Variants in FKTN observed in about 807,000 individuals in gnomAD.
FKTN encodes the protein ribitol-5-phosphate transferase FKTN.
FKTN carries 47 observed loss-of-function variants against 58.6 expected under a neutral mutation model. The observed-to-expected ratio is 0.80, with a 90% CI of 0.63 to 1.02. The LOEUF (loss-of-function observed/expected upper bound fraction) is 1.02, where lower values mean the gene tolerates loss of function less well. FKTN is among the 50% of genes least tolerant of loss of function. The probability of loss-of-function intolerance (pLI) is 0.00; values close to 1 mark genes in which losing one functional copy is unlikely to be tolerated. For missense variants in FKTN, 516 were observed against 537.3 expected, an observed-to-expected ratio of 0.96 and a Z score of 0.39; for synonymous variants, 178 against 191.9, an observed-to-expected ratio of 0.93 and a Z score of 0.60.
intron 7 of FKTN, among the ~76,000 whole-genome samples, chr9:105,613,705 A>G (rs1252334963): frequency 6.6e-6 from 1 of 152,234 alleles, no homozygotes; most frequent in East Asian, 1.9e-4. Context: ...ATGATTAGGA[A>G]TAAATATGAT....
intron 3 of FKTN, among the ~76,000 whole-genome samples, chr9:105,577,670 A>G (rs1421253928): frequency 2.0e-5 from 3 of 151,086 alleles, no homozygotes; most frequent in Non-Finnish European, 4.4e-5. Flanking sequence ...TTGGTTCCCT[A>G]TGAACTTTAA....
At chr9:105,628,801 AG>A (rs1269122735) in intron 10 of FKTN, among the ~76,000 whole-genome samples, 2 of 152,240 alleles carry the variant, frequency 1.3e-5, no homozygotes, top group African/African-American at 4.8e-5. Flanking sequence ...GCTAAGTGAA[AG>A]AAGTCAGATA....
intron 8 of FKTN, 84 bp from the exon 9 acceptor site, chr9:105,617,875 A>T: frequency 1.1e-6 from 1 of 920,984 alleles, no homozygotes; most frequent in Non-Finnish European, 1.7e-6. Flanking sequence ...AAGAAAAAAA[A>T]TCCTTGTTAC....
chr9:105,635,240 G>C lies in FKTN; in HGVS notation c.1362G>C (p.Trp454Cys). The C allele has an allele frequency of 1.2e-6, 2 of 1,614,114 alleles. No individual in the cohort carries two copies. Among genetic ancestry groups the C allele is most frequent in the Non-Finnish European group, 1.7e-6 (2 of 1,179,964 alleles). The change falls in exon 11 of 11, where the codon TGG becomes TGC. Residue 454 changes from tryptophan to cysteine, a missense_variant. Coordinates refer to ENST00000357998, the MANE Select transcript of FKTN (RefSeq NM_001079802.2). ...QPNGIWPISE[W>C]DEVIQLY ...ATGGAATCTGGCCTATTTCTGAGTG[G>C]GATGAGGTTATCCAGTTATATTGAG... is the stretch of plus-strand genomic sequence containing the variant.
chr9:105,620,013 A>C lies in FKTN; in HGVS notation c.1124A>C (p.Asp375Ala). The change falls in exon 10 of 11, where the codon GAT becomes GCT. Residue 375 changes from aspartate to alanine, a missense_variant. Asp to Ala is a moderately radical substitution (Grantham distance 126). Transcript: ENST00000357998. ...LDVFFFYEET[D>A]HMWNGGTQAK... ...GTTTTTTTCTTCTATGAAGAAACTG[A>C]TCACATGTGGAATGGAGGCACTCAG... 6.2e-7 allele frequency: 1 copy of C among 1,612,972 alleles called. No homozygotes were observed. Among genetic ancestry groups the C allele is most frequent in the Non-Finnish European group, 8.5e-7 (1 of 1,179,196 alleles).
chr9:105,568,523 C>G lies in FKTN; in HGVS notation c.-180-5132C>G, dbSNP rs533866539. Among the ~76,000 whole-genome samples the G allele has an allele frequency of 9.4e-3, 1,426 of 152,208 alleles. 24 individuals are homozygous for G. The highest frequency in any genetic ancestry group is 0.033 in the African/African-American group (1,378 of 41,508). On this transcript the variant is annotated intron_variant, in intron 1 of 10. Coordinates refer to ENST00000357998, the MANE Select transcript of FKTN (RefSeq NM_001079802.2). ...CAAAAGAAGACATTTATGCAGCCAA[C>G]AGACACATGAAAAAATGCTCATCAT...
rs186084405 is a variant in FKTN at position 105,603,180 on chromosome 9, C to T, written c.370-1035C>T. 5.2e-4 allele frequency among the ~76,000 whole-genome samples: 79 copies of T among 152,202 alleles called. No individual in the cohort carries two copies. The South Asian group carries it at 0.013, about 26-fold the overall frequency. On this transcript the variant is annotated intron_variant, in intron 5 of 10. Coordinates refer to ENST00000357998, the MANE Select transcript of FKTN (RefSeq NM_001079802.2). Reference sequence around the variant, plus strand: ...TCTTTCCTCCTATAACCCAAGGTCACGTTCTTCTCAAGTTCTGGCCGGCCT... The same window carrying T: ...TCTTTCCTCCTATAACCCAAGGTCATGTTCTTCTCAAGTTCTGGCCGGCCT...
At chr9:105,592,547 A>C (rs1845091445) in intron 3 of FKTN, among the ~76,000 whole-genome samples, 1 of 152,182 alleles carries the variant, frequency 6.6e-6, no homozygotes, top group Non-Finnish European at 1.5e-5. Flanking sequence ...TGAGGCAGGA[A>C]AATTGCTTGA....
At chr9:105,566,006 C>T (rs1196169340) in intron 1 of FKTN, among the ~76,000 whole-genome samples, 4 of 152,140 alleles carry the variant, frequency 2.6e-5, no homozygotes, top group East Asian at 1.9e-4. Context: ...CACTCAAAAC[C>T]GCTCAAATAC....
chr9:105,563,196 C>G (rs1226314965), intron 1 of FKTN, among the ~76,000 whole-genome samples: 1 of 152,214 alleles, frequency 6.6e-6, no homozygotes, highest in African/African-American at 2.4e-5. Flanking sequence ...CGAATAGGAA[C>G]AGCTCCAGTC....
intron 3 of FKTN, among the ~76,000 whole-genome samples, chr9:105,578,725 G>A (rs1842264589): frequency 1.3e-5 from 2 of 151,412 alleles, no homozygotes; most frequent in South Asian, 4.2e-4. Context: ...CTATTGATTG[G>A]AATAGTTTCA....
At chr9:105,626,602 C>T (rs1289628677) in intron 10 of FKTN, among the ~76,000 whole-genome samples, 1 of 152,174 alleles carries the variant, frequency 6.6e-6, no homozygotes, top group Admixed American at 6.5e-5. Flanking sequence ...TGGGTTTACA[C>T]ATAAAGTTTG....
rs367868644 is a variant in FKTN at position 105,601,177 on chromosome 9, C to G, written c.198C>G (p.Ser66=). The G allele has an allele frequency of 9.9e-6, 16 of 1,609,802 alleles. No individual in the cohort carries two copies. The highest frequency in any genetic ancestry group is 1.7e-5 in the Admixed American group (1 of 59,936). Reference sequence around the variant, plus strand: ...TTAAAAAATTTATTATGTTAACATCCAACCAAAATGTACCAGTGTTTCTTA... The same window carrying G: ...TTAAAAAATTTATTATGTTAACATCGAACCAAAATGTACCAGTGTTTCTTA... ...RAVKKFIMLT[S]NQNVPVFLID... is the part of the protein sequence containing the mutation. Residue 66 remains serine (S), a synonymous_variant, in exon 5 of 11, where the codon TCC becomes TCG. Transcript: ENST00000357998.
chr9:105,577,055 AT>A (rs1841864679), intron 3 of FKTN, among the ~76,000 whole-genome samples: 1 of 120,634 alleles, frequency 8.3e-6, no homozygotes, highest in African/African-American at 3.5e-5. Context: ...TTCATTGTAG[AT>A]TCTGGATATT....
At chr9:105,558,401 C>T (rs1837598964) in intron 1 of FKTN, among the ~76,000 whole-genome samples, 1 of 152,032 alleles carries the variant, frequency 6.6e-6, no homozygotes, top group Non-Finnish European at 1.5e-5. Flanking sequence ...CACTTCTGGG[C>T]GTGTCATCAG....
At chr9:105,618,161 T>G in intron 9 of FKTN, 69 bp downstream of exon 9, 1 of 1,251,110 alleles carries the variant, frequency 8.0e-7, no homozygotes, top group South Asian at 1.2e-5. Flanking sequence ...ATTAAGCAAC[T>G]CAGATATGGT....
At chr9:105,575,495 G>T (rs904478249) in intron 3 of FKTN, among the ~76,000 whole-genome samples, 1 of 151,976 alleles carries the variant, frequency 6.6e-6, no homozygotes, top group African/African-American at 2.4e-5. Context: ...GTACCTACTG[G>T]GGAAGTATAA....
intron 3 of FKTN, 32 bp from the exon 4 acceptor site, chr9:105,596,565 AT>A: frequency 6.6e-7 from 1 of 1,511,770 alleles, no homozygotes; most frequent in Non-Finnish European, 9.2e-7. Context: ...TGGACTTTGA[AT>A]TTACTAAAAA....
chr9:105,636,300 T>C lies in FKTN; in HGVS notation c.*1036T>C. On this transcript the variant is annotated 3_prime_UTR_variant, in exon 11 of 11. Transcript: ENST00000357998. ...CTTCGTATCTCTAATTTATGGTCTA[T>C]ATACCAATTTAAATGGCATGTAAAC... 1.0e-6 allele frequency: 1 copy of C among 965,684 alleles called. No individual in the cohort carries two copies. The highest frequency in any genetic ancestry group is 4.8e-5 in the South Asian group (1 of 20,844). 59.8% of individuals were successfully genotyped at this position (965,684 alleles called of 1,614,324 possible).
Sources: gnomAD v4.1 joint callset for allele counts (sites outside exome capture counted in the v4.1 genomes callset) on GRCh38, gnomAD v4.1.1 for gene constraint, MANE v1.5 for transcripts, NCBI Gene and HGNC (gene_info 2026-07-23, HGNC 2026-07-21) for gene names.